SLIT2: variants seen among roughly 807,000 people sequenced by gnomAD.
SLIT2 encodes the protein slit homolog 2 protein.
A neutral mutation model predicts 185.7 loss-of-function variants in SLIT2; 41 were observed. The ratio of observed to expected loss-of-function variants is 0.22; its 90% CI spans 0.17 to 0.29. SLIT2 has a LOEUF of 0.29. Ranked by LOEUF, SLIT2 falls within the 10% of genes least tolerant of loss-of-function variation. The pLI, the probability that SLIT2 is intolerant of heterozygous loss-of-function variation, is 1.00. For synonymous variants in SLIT2, 693 were observed against 680.2 expected, an observed-to-expected ratio of 1.02 and a Z score of -0.29; for missense variants, 1,571 against 1,909.0, an observed-to-expected ratio of 0.82 and a Z score of 3.30.
chr4:20,536,165 C>A (rs1228633578), intron 18 of SLIT2, among the ~76,000 whole-genome samples: 1 of 152,096 alleles, frequency 6.6e-6, no homozygotes, highest in Non-Finnish European at 1.5e-5. Context: ...AAGAATGGAG[C>A]TTGCAGAACT....
chr4:20,612,101 G>A (rs1427325980), intron 34 of SLIT2, among the ~76,000 whole-genome samples: 3 of 151,914 alleles, frequency 2.0e-5, no homozygotes, highest in Non-Finnish European at 4.4e-5. Flanking sequence ...CAGGGGGCTG[G>A]GCATGGTGGC....
At position 20,457,487 on chromosome 4, in the gene SLIT2, T is replaced by C. The variant is rs186092460; in HGVS notation, c.396-10265T>C. Reference sequence around the variant, plus strand: ...TGCAAACCCTTGGCAAGAAAAAATGTATAGATACTAAAGATATTATATATA... The same window carrying C: ...TGCAAACCCTTGGCAAGAAAAAATGCATAGATACTAAAGATATTATATATA... On this transcript the variant is annotated intron_variant, in intron 4 of 36. Coordinates refer to ENST00000504154, the MANE Select transcript of SLIT2 (RefSeq NM_004787.4). Among the ~76,000 whole-genome samples the C allele has an allele frequency of 5.8e-3, 884 of 152,156 alleles. 7 individuals carry two copies. The highest frequency in any genetic ancestry group is 0.02 in the African/African-American group (835 of 41,534).
intron 4 of SLIT2, among the ~76,000 whole-genome samples, chr4:20,291,493 T>TA (rs1430943219): frequency 2.3e-4 from 3 of 12,796 alleles, no homozygotes; most frequent in African/African-American, 7.5e-4. Flanking sequence ...TATATATATA[T>TA]TTTTTTTTTT....
intron 3 of SLIT2, among the ~76,000 whole-genome samples, chr4:20,259,996 A>G (rs1448113276): frequency 6.6e-6 from 1 of 151,882 alleles, no homozygotes; most frequent in South Asian, 2.1e-4. Flanking sequence ...TCTTAGGAAC[A>G]TTGTGGATAC....
At chr4:20,519,299 G>C in intron 11 of SLIT2, 83 bp from the exon 12 acceptor site, 1 of 729,348 alleles carries the variant, frequency 1.4e-6, no homozygotes, top group South Asian at 1.5e-5. Flanking sequence ...CTAGCTTCCT[G>C]TATGCCTGAG....
intron 11 of SLIT2, among the ~76,000 whole-genome samples, chr4:20,511,764 T>A (rs149959930): frequency 6.6e-6 from 1 of 151,624 alleles, no homozygotes; most frequent in Non-Finnish European, 1.5e-5. Flanking sequence ...AAAATATTTA[T>A]TTTGGAAAGC....
At chr4:20,323,586 G>C (rs1358123032) in intron 4 of SLIT2, among the ~76,000 whole-genome samples, 1 of 151,932 alleles carries the variant, frequency 6.6e-6, no homozygotes, top group Non-Finnish European at 1.5e-5. Flanking sequence ...GAAAACAGTA[G>C]AATATAACAT....
chr4:20,506,799 A>G (rs186407452), intron 9 of SLIT2, among the ~76,000 whole-genome samples: 1 of 152,090 alleles, frequency 6.6e-6, no homozygotes, highest in Admixed American at 6.6e-5. Context: ...ACATCTGTCC[A>G]TGGTAGAATA....
At chr4:20,492,655 T>C (rs4697166) in intron 9 of SLIT2, among the ~76,000 whole-genome samples, 4,327 of 152,276 alleles carry the variant, frequency 0.028, 110 homozygotes, top group Admixed American at 0.07. Context: ...ACCCAGCCCA[T>C]TATATTATTA....
chr4:20,486,892 G>A (rs1428113937), intron 7 of SLIT2, among the ~76,000 whole-genome samples: 1 of 151,780 alleles, frequency 6.6e-6, no homozygotes, highest in African/African-American at 2.4e-5. Context: ...AATATCAGAG[G>A]TAAATCTCAT....
At chr4:20,511,018 C>A in intron 10 of SLIT2, 48 bp from the exon 11 acceptor site, 4 of 1,201,474 alleles carry the variant, frequency 3.3e-6, no homozygotes, top group Non-Finnish European at 5.0e-6. Context: ...CGCAGTAAAT[C>A]TCACTGACAT....
intron 4 of SLIT2, among the ~76,000 whole-genome samples, chr4:20,296,777 A>G (rs935711724): frequency 1.3e-5 from 2 of 152,234 alleles, no homozygotes; most frequent in African/African-American, 4.8e-5. Flanking sequence ...CGTTTAACTG[A>G]ATGTATCCCC....
At chr4:20,445,370 A>G (rs1221113690) in intron 4 of SLIT2, among the ~76,000 whole-genome samples, 1 of 152,246 alleles carries the variant, frequency 6.6e-6, no homozygotes, top group Admixed American at 6.5e-5. Flanking sequence ...AGTGATCTTT[A>G]AAAATCAAAT....
At chr4:20,289,258 G>A (rs1715577667) in intron 4 of SLIT2, among the ~76,000 whole-genome samples, 1 of 151,992 alleles carries the variant, frequency 6.6e-6, no homozygotes, top group Non-Finnish European at 1.5e-5. Flanking sequence ...CTTAGAATTT[G>A]GTTTCTTTGT....
chr4:20,475,273 G>T (rs1715970343), intron 5 of SLIT2, among the ~76,000 whole-genome samples: 1 of 150,158 alleles, frequency 6.7e-6, no homozygotes, highest in Non-Finnish European at 1.5e-5. Context: ...TTTATTTTCT[G>T]TCTAATTAGA....
Position 20,253,888 on chromosome 4 carries a change from C to A in SLIT2, c.73C>A (p.Pro25Thr), listed in dbSNP as rs776192345. Residue 25 changes from proline (P) to threonine (T), a missense_variant, in exon 1 of 37, where the codon CCG (proline) becomes ACG (threonine). Physicochemically the swap from Pro to Thr is conservative, Grantham distance 38. Coordinates refer to ENST00000504154, the MANE Select transcript of SLIT2 (RefSeq NM_004787.4). ...LVLAILNKVA[P>T]QACPAQCSCS... The stretch of plus-strand genomic sequence containing the variant: ...GCTGGCGATCCTGAACAAGGTGGCA[C>A]CGCAGGCGTGCCCGGCGCAGTGCTC... 16 of 1,601,574 alleles carry A rather than the reference C, an allele frequency of 1.0e-5. No individual in the cohort carries two copies. Among genetic ancestry groups the A allele is most frequent in the Non-Finnish European group, 1.2e-5 (14 of 1,179,926 alleles).
intron 4 of SLIT2, among the ~76,000 whole-genome samples, chr4:20,305,453 G>A (rs1329563957): frequency 6.6e-6 from 1 of 152,148 alleles, no homozygotes; most frequent in Non-Finnish European, 1.5e-5. Context: ...AAAACACCAT[G>A]TATGGGAACC....
chr4:20,494,959 A>G (rs2148802794), intron 9 of SLIT2, among the ~76,000 whole-genome samples: 1 of 152,248 alleles, frequency 6.6e-6, no homozygotes, highest in South Asian at 2.1e-4. Flanking sequence ...CTAAATAAAA[A>G]CAGCAGAGGG....
intron 4 of SLIT2, among the ~76,000 whole-genome samples, chr4:20,269,628 G>A (rs1713395645): frequency 6.6e-6 from 1 of 151,808 alleles, no homozygotes; most frequent in Admixed American, 6.6e-5. Flanking sequence ...ACAAAGTTTT[G>A]GAAAAATAAA....
Sources: allele counts gnomAD v4.1 joint callset (sites outside exome capture counted in the v4.1 genomes callset), GRCh38; gene constraint gnomAD v4.1.1; transcripts MANE v1.5; gene names NCBI Gene and HGNC (gene_info 2026-07-23, HGNC 2026-07-21).